The following HS3ST5 variants were observed in gnomAD, a reference collection of about 807,000 sequenced individuals.
The protein encoded by HS3ST5 is heparan sulfate glucosamine 3-O-sulfotransferase 5.
A neutral mutation model predicts 25.4 loss-of-function variants in HS3ST5; 10 were observed. That is an observed-to-expected ratio of 0.39 (90% CI 0.24 to 0.67). The LOEUF is 0.67. Among genes scored for constraint, HS3ST5 ranks in the 30% least tolerant of loss-of-function variants. The pLI is 0.44. For missense variants in HS3ST5, 324 were observed against 420.7 expected, an observed-to-expected ratio of 0.77 and a Z score of 2.01; for synonymous variants, 170 against 162.4, an observed-to-expected ratio of 1.05 and a Z score of -0.36.
intron 3 of HS3ST5, among the ~76,000 whole-genome samples, chr6:114,079,670 T>C (rs1202381907): frequency 6.6e-6 from 1 of 152,238 alleles, no homozygotes; most frequent in Non-Finnish European, 1.5e-5. Context: ...TAATAGCAGC[T>C]AGAATGGTGA....
intron 3 of HS3ST5, among the ~76,000 whole-genome samples, chr6:114,127,225 A>G (rs569624982): frequency 1.3e-5 from 2 of 152,258 alleles, no homozygotes; most frequent in Admixed American, 6.5e-5. Flanking sequence ...CATCTCTATT[A>G]AAAACAAAAA....
intron 2 of HS3ST5, among the ~76,000 whole-genome samples, chr6:114,191,915 A>G (rs1249208584): frequency 6.6e-6 from 1 of 152,160 alleles, no homozygotes; most frequent in Non-Finnish European, 1.5e-5. Context: ...TTTAAATTTC[A>G]GTTTCCTCCA....
At chr6:114,320,467 C>T (rs1366414052) in intron 1 of HS3ST5, among the ~76,000 whole-genome samples, 1 of 152,044 alleles carries the variant, frequency 6.6e-6, no homozygotes, top group African/African-American at 2.4e-5. Context: ...TCTATGATTC[C>T]TCTCACTGTC....
At chr6:114,313,897 T>A (rs1375667351) in intron 1 of HS3ST5, among the ~76,000 whole-genome samples, 1 of 150,366 alleles carries the variant, frequency 6.7e-6, no homozygotes, top group African/African-American at 2.5e-5. Flanking sequence ...AGTGCTTCTT[T>A]AACTAGATTG....
chr6:114,247,359 T>C (rs1229128340), intron 1 of HS3ST5, among the ~76,000 whole-genome samples: 2 of 152,200 alleles, frequency 1.3e-5, no homozygotes, highest in Non-Finnish European at 2.9e-5. Flanking sequence ...GGCTGGTCTT[T>C]ACTTGTACCT....
intron 1 of HS3ST5, among the ~76,000 whole-genome samples, chr6:114,308,294 A>G (rs1775380492): frequency 6.6e-6 from 1 of 152,172 alleles, no homozygotes; most frequent in African/African-American, 2.4e-5. Flanking sequence ...TTTAAAACTA[A>G]CTAGATGGTG....
intron 1 of HS3ST5, among the ~76,000 whole-genome samples, chr6:114,324,758 A>G (rs1226065565): frequency 6.6e-6 from 1 of 152,208 alleles, no homozygotes; most frequent in Non-Finnish European, 1.5e-5. Flanking sequence ...TTCAACCAAC[A>G]TATTCAGGTG....
At chr6:114,308,866 TTG>T (rs1281917838) in intron 1 of HS3ST5, among the ~76,000 whole-genome samples, 8 of 152,122 alleles carry the variant, frequency 5.3e-5, no homozygotes, top group African/African-American at 1.9e-4. Flanking sequence ...TCCTCCCAAG[TTG>T]GTGAGACACA....
intron 3 of HS3ST5, among the ~76,000 whole-genome samples, chr6:114,078,347 C>T (rs1774257993): frequency 6.6e-6 from 1 of 152,108 alleles, no homozygotes; most frequent in African/African-American, 2.4e-5. Flanking sequence ...GCTGGAACTA[C>T]AGGCATGCAC....
chr6:114,246,555 G>A (rs966986147), intron 1 of HS3ST5, among the ~76,000 whole-genome samples: 3 of 152,236 alleles, frequency 2.0e-5, no homozygotes, highest in Admixed American at 2.0e-4. Flanking sequence ...TCTGCCAGTC[G>A]TTTAAGCTAA....
chr6:114,263,745 A>G (rs1482055203), intron 1 of HS3ST5, among the ~76,000 whole-genome samples: 1 of 152,194 alleles, frequency 6.6e-6, no homozygotes, highest in Non-Finnish European at 1.5e-5. Context: ...GTGGGTGACA[A>G]AGCATCTCTG....
At chr6:114,287,923 C>T (rs1351339668) in intron 1 of HS3ST5, among the ~76,000 whole-genome samples, 1 of 151,950 alleles carries the variant, frequency 6.6e-6, no homozygotes, top group African/African-American at 2.4e-5. Flanking sequence ...CTTCTACCAC[C>T]TAGAAACTTA....
chr6:114,082,118 A>C (rs1316088732), intron 3 of HS3ST5, among the ~76,000 whole-genome samples: 3 of 152,190 alleles, frequency 2.0e-5, no homozygotes, highest in Non-Finnish European at 4.4e-5. Flanking sequence ...CCAGAAGTAG[A>C]ATTTCCTTCC....
At chr6:114,164,862 C>A (rs964870831) in intron 3 of HS3ST5, among the ~76,000 whole-genome samples, 3 of 152,088 alleles carry the variant, frequency 2.0e-5, no homozygotes, top group African/African-American at 7.2e-5. Flanking sequence ...TAAGACTGAG[C>A]CATTTTTACT....
At chr6:114,085,061 A>C (rs1330044225) in intron 3 of HS3ST5, among the ~76,000 whole-genome samples, 1 of 151,156 alleles carries the variant, frequency 6.6e-6, no homozygotes, top group Admixed American at 6.6e-5. Context: ...CAATCTCCTG[A>C]CCTCGTGATT....
At chr6:114,070,077 C>G (rs1773721198) in intron 3 of HS3ST5, among the ~76,000 whole-genome samples, 1 of 152,074 alleles carries the variant, frequency 6.6e-6, no homozygotes, top group Non-Finnish European at 1.5e-5. Flanking sequence ...AATATGCAGT[C>G]TTTTATCCCT....
intron 1 of HS3ST5, among the ~76,000 whole-genome samples, chr6:114,281,457 A>AAT (rs1469425299): frequency 6.6e-6 from 1 of 152,008 alleles, no homozygotes; most frequent in Non-Finnish European, 1.5e-5. Flanking sequence ...GCTTGACAAC[A>AAT]ATAAAATTCT....
At chr6:114,060,477 T>C (rs1192278764) in intron 4 of HS3ST5, among the ~76,000 whole-genome samples, 1 of 152,182 alleles carries the variant, frequency 6.6e-6, no homozygotes, top group African/African-American at 2.4e-5. Flanking sequence ...GTGACACTGA[T>C]TGGAATAATA....
intron 3 of HS3ST5, chr6:114,084,103 G>C: frequency 2.6e-6 from 1 of 386,500 alleles, no homozygotes; most frequent in Admixed American, 4.3e-5. Flanking sequence ...TTTTTTTTTA[G>C]AAACTGATGT....
Sources: allele counts gnomAD v4.1 joint callset (sites outside exome capture counted in the v4.1 genomes callset), GRCh38; gene constraint gnomAD v4.1.1; transcripts MANE v1.5; gene names NCBI Gene and HGNC (gene_info 2026-07-23, HGNC 2026-07-21).